The following PRKCE variants were observed in gnomAD, a reference collection of about 807,000 sequenced individuals.
PRKCE encodes the protein protein kinase C epsilon.
A neutral mutation model predicts 85.4 loss-of-function variants in PRKCE; 16 were observed. That is an observed-to-expected ratio of 0.19 (90% CI 0.13 to 0.28). The LOEUF (loss-of-function observed/expected upper bound fraction) is 0.28, where lower values mean the gene tolerates loss of function less well. Ranked by LOEUF, PRKCE falls within the 10% of genes least tolerant of loss-of-function variation. PRKCE has a pLI of 1.00. For synonymous variants in PRKCE, 388 were observed against 371.5 expected, an observed-to-expected ratio of 1.04 and a Z score of -0.51; for missense variants, 573 against 975.2, an observed-to-expected ratio of 0.59 and a Z score of 5.49.
At chr2:45,846,108 G>A (rs1437797324) in intron 2 of PRKCE, among the ~76,000 whole-genome samples, 2 of 152,102 alleles carry the variant, frequency 1.3e-5, no homozygotes, top group African/African-American at 2.4e-5. Context: ...AATAATCACA[G>A]GGGGTTCTGG....
At chr2:45,793,656 G>A (rs1318158341) in intron 1 of PRKCE, among the ~76,000 whole-genome samples, 1 of 152,206 alleles carries the variant, frequency 6.6e-6, no homozygotes, top group Non-Finnish European at 1.5e-5. Context: ...CCAATTCCAG[G>A]TGTAGAGTTT....
chr2:46,179,629 A>C (rs1679775004), intron 14 of PRKCE, among the ~76,000 whole-genome samples: 1 of 152,124 alleles, frequency 6.6e-6, no homozygotes, highest in African/African-American at 2.4e-5. Flanking sequence ...AAAGTCCCTA[A>C]ACATATCTGT....
Position 45,980,300 on chromosome 2 carries a change from C to T in PRKCE, c.612C>T (p.Cys204=), listed in dbSNP as rs1702784397. ...IGKQGYQCQV[C]TCVVHKRCHE... ...TCCTGTCTTTGCTATTTGCAGTCTGCACCTGCGTGGTCCACAAGCGGTGCC... is the reference window on the plus strand; with the variant it reads ...TCCTGTCTTTGCTATTTGCAGTCTGTACCTGCGTGGTCCACAAGCGGTGCC... Residue 204 remains cysteine (C), a synonymous_variant, in exon 5 of 15, where the codon TGC becomes TGT. Coordinates refer to ENST00000306156, the MANE Select transcript of PRKCE (RefSeq NM_005400.3). 6.3e-7 allele frequency: 1 copy of T among 1,599,622 alleles called. No homozygotes were observed. The highest frequency in any genetic ancestry group is 1.1e-5 in the South Asian group (1 of 91,078).
chr2:46,145,341 C>A lies in PRKCE; in HGVS notation c.1731+110C>A. ...GGTGCTGGGGGAAGGCTCTGGAAAT[C>A]CAGGATGGATTCTAGGAAGGAGGGA... is the stretch of plus-strand genomic sequence containing the variant. On this transcript the variant is annotated intron_variant, in intron 12 of 14. Coordinates refer to ENST00000306156, the MANE Select transcript of PRKCE (RefSeq NM_005400.3). This position sits in a 1 kb window ranked among gnomAD's most constrained non-coding sequence, Gnocchi z 4.6. The A allele has an allele frequency of 7.2e-7, 1 of 1,394,620 alleles. No homozygotes were observed. Among genetic ancestry groups the A allele is most frequent in the Middle Eastern group, 2.4e-4 (1 of 4,128 alleles). 86.4% of individuals were successfully genotyped at this position (1,394,620 alleles called of 1,614,324 possible).
rs147958212 is a variant in PRKCE at position 45,724,232 on chromosome 2, C to G, written c.348+71784C>G. Among the ~76,000 whole-genome samples the G allele has an allele frequency of 7.4e-3, 1,126 of 152,284 alleles. 9 individuals are homozygous for G. The highest frequency in any genetic ancestry group is 0.012 in the Non-Finnish European group (843 of 68,016). ...CATTTTGGTCATTTCTGCAATATTT[C>G]AAACTTTTTGGTACAATTACGTTTG... On this transcript the variant is annotated intron_variant, in intron 1 of 14. Transcript: ENST00000306156.
At chr2:46,146,076 T>C (rs1476059676) in intron 12 of PRKCE, among the ~76,000 whole-genome samples, 4 of 152,190 alleles carry the variant, frequency 2.6e-5, no homozygotes, top group African/African-American at 9.7e-5. Flanking sequence ...ATCAGAGATG[T>C]TCACTGTGAA....
intron 1 of PRKCE, among the ~76,000 whole-genome samples, chr2:45,771,509 G>C (rs1179402150): frequency 6.6e-6 from 1 of 152,146 alleles, no homozygotes; most frequent in Non-Finnish European, 1.5e-5. Context: ...CCTCATCTCT[G>C]CTGACAGCAG....
rs1341661527 is a variant in PRKCE at position 45,895,098 on chromosome 2, T to G, written c.412+52035T>G. Among the ~76,000 whole-genome samples, 1 of 152,194 alleles carries G rather than the reference T, an allele frequency of 6.6e-6. No homozygotes were observed. The highest frequency in any genetic ancestry group is 6.5e-5 in the Admixed American group (1 of 15,278). On this transcript the variant is annotated intron_variant, in intron 2 of 14. Coordinates refer to ENST00000306156, the MANE Select transcript of PRKCE (RefSeq NM_005400.3). The surrounding 1 kb of genome is among the most constrained non-coding windows in gnomAD (Gnocchi z 4.8). ...CTGGGTAAACTTCAGAACTTAAGCATTAGTTGTGAGCATTTGGCCACGTGG... is the reference window on the plus strand; with the variant it reads ...CTGGGTAAACTTCAGAACTTAAGCAGTAGTTGTGAGCATTTGGCCACGTGG...
intron 10 of PRKCE, among the ~76,000 whole-genome samples, chr2:46,053,643 T>C (rs1250047082): frequency 2.6e-5 from 4 of 152,210 alleles, no homozygotes; most frequent in African/African-American, 9.7e-5. Flanking sequence ...TAGCACCGTG[T>C]CCTCGAGGTT....
At chr2:45,931,807 A>C (rs1342031143) in intron 2 of PRKCE, among the ~76,000 whole-genome samples, 1 of 152,044 alleles carries the variant, frequency 6.6e-6, no homozygotes, top group Non-Finnish European at 1.5e-5. Flanking sequence ...CCCGGGTTGC[A>C]GCGATTCTCG....
At position 46,068,490 on chromosome 2, in the gene PRKCE, A is replaced by C. The variant is rs1322207218; in HGVS notation, c.1438-17718A>C. 1.3e-5 allele frequency among the ~76,000 whole-genome samples: 2 copies of C among 152,168 alleles called. No homozygotes were observed. Among genetic ancestry groups the C allele is most frequent in the Non-Finnish European group, 2.9e-5 (2 of 68,028 alleles). On this transcript the variant is annotated intron_variant, in intron 10 of 14. Coordinates refer to ENST00000306156, the MANE Select transcript of PRKCE (RefSeq NM_005400.3). The surrounding 1 kb of genome is among the most constrained non-coding windows in gnomAD (Gnocchi z 4.3). The stretch of plus-strand genomic sequence containing the variant: ...CCATTAGGTGCAAGGTATAATTCCT[A>C]CTCATGAGGACTGAGAAAGACCAGT...
intron 1 of PRKCE, among the ~76,000 whole-genome samples, chr2:45,710,834 C>T (rs1160674839): frequency 1.3e-5 from 2 of 152,344 alleles, no homozygotes; most frequent in South Asian, 2.1e-4. Context: ...CCTAAAGGAT[C>T]GGGGTGTTTT....
intron 1 of PRKCE, among the ~76,000 whole-genome samples, chr2:45,803,219 G>T (rs1175058315): frequency 2.0e-5 from 3 of 152,244 alleles, no homozygotes; most frequent in Non-Finnish European, 1.5e-5. Context: ...AAGGGAACAA[G>T]ATTTGGTCTA....
At position 45,971,127 on chromosome 2, in the gene PRKCE, T is replaced by C. The variant is rs79487551; in HGVS notation, c.413-5302T>C. Among the ~76,000 whole-genome samples, 350 of 152,348 alleles carry C rather than the reference T, an allele frequency of 2.3e-3. 1 individual carries two copies. The highest frequency in any genetic ancestry group is 3.9e-3 in the Non-Finnish European group (264 of 68,036). ...GATAGATCTCTAGGACTTACTCATCTTGCATAACTGGAACTTGGTGCCCTT... is the reference window on the plus strand; with the variant it reads ...GATAGATCTCTAGGACTTACTCATCCTGCATAACTGGAACTTGGTGCCCTT... On this transcript the variant is annotated intron_variant, in intron 2 of 14. Coordinates refer to ENST00000306156, the MANE Select transcript of PRKCE (RefSeq NM_005400.3).
At chr2:46,173,488 C>G (rs1488948049) in intron 14 of PRKCE, among the ~76,000 whole-genome samples, 1 of 152,240 alleles carries the variant, frequency 6.6e-6, no homozygotes, top group African/African-American at 2.4e-5. Flanking sequence ...ATAGAAGCAG[C>G]ATTGAAAGTC....
chr2:45,719,290 A>G (rs1016260922), intron 1 of PRKCE, among the ~76,000 whole-genome samples: 2 of 152,250 alleles, frequency 1.3e-5, no homozygotes, highest in Admixed American at 6.5e-5. Flanking sequence ...CATCTAATCT[A>G]AAGTGATTGC....
chr2:45,656,983 G>A (rs1295777281), intron 1 of PRKCE, among the ~76,000 whole-genome samples: 1 of 152,252 alleles, frequency 6.6e-6, no homozygotes, highest in Non-Finnish European at 1.5e-5. Context: ...ATGCTGGATG[G>A]ATTGGCATTG....
intron 1 of PRKCE, among the ~76,000 whole-genome samples, chr2:45,836,772 C>G (rs994426266): frequency 6.6e-6 from 1 of 152,240 alleles, no homozygotes; most frequent in African/African-American, 2.4e-5. Context: ...AAAGACACAG[C>G]AGTAGATTAT....
chr2:45,997,942 A>C (rs1479534138), intron 6 of PRKCE, among the ~76,000 whole-genome samples: 1 of 152,220 alleles, frequency 6.6e-6, no homozygotes, highest in East Asian at 1.9e-4. Flanking sequence ...TTTAATCTCC[A>C]AGTATTTTGG....
Sources: allele counts gnomAD v4.1 joint callset (sites outside exome capture counted in the v4.1 genomes callset), GRCh38; gene constraint gnomAD v4.1.1; non-coding constraint Gnocchi (gnomAD v3.1); transcripts MANE v1.5; gene names NCBI Gene and HGNC (gene_info 2026-07-23, HGNC 2026-07-21).